Variants in DNAL1 observed in about 807,000 individuals in gnomAD.
DNAL1 encodes dynein axonemal light chain 1, also known as chromosome 14 open reading frame 168.
A neutral mutation model predicts 29.4 loss-of-function variants in DNAL1; 17 were observed. That is an observed-to-expected ratio of 0.58 (90% CI 0.40 to 0.87). The LOEUF (loss-of-function observed/expected upper bound fraction) is 0.87, where lower values mean the gene tolerates loss of function less well. Ranked by LOEUF, DNAL1 falls within the 40% of genes least tolerant of loss-of-function variation. The pLI, the probability that DNAL1 is intolerant of heterozygous loss-of-function variation, is 0.00. For synonymous variants in DNAL1, 78 were observed against 76.3 expected (o/e 1.02, Z -0.12); for missense variants, 188 against 214.1 (o/e 0.88, Z 0.76).
At position 73,698,591 on chromosome 14, in the gene DNAL1, G is replaced by A. The variant is rs970048423; in HGVS notation, c.*2649G>A. On this transcript the variant is annotated 3_prime_UTR_variant, in exon 8 of 8. Coordinates refer to ENST00000553645, the MANE Select transcript of DNAL1 (RefSeq NM_031427.4). ...CCCGAGTAGCTGGGACCACAGGCAC[G>A]TGCCATCATGCCTGGCCTATTTTTG... The A allele has an allele frequency of 4.0e-5, 6 of 151,842 alleles. No homozygotes were observed. The highest frequency in any genetic ancestry group is 1.5e-4 in the African/African-American group (6 of 41,292). The allele number at this position is 151,842 out of a possible 1,614,324, so 9.4% of individuals were successfully genotyped here.
At chr14:73,672,485 G>A (rs1447511665) in intron 5 of DNAL1, among the ~76,000 whole-genome samples, 1 of 151,204 alleles carries the variant, frequency 6.6e-6, no homozygotes, top group Non-Finnish European at 1.5e-5. Flanking sequence ...GCGGGCGCCT[G>A]TAGTCCCAGC....
chr14:73,703,053 T>A lies in DNAL1; in HGVS notation c.*7111T>A, dbSNP rs1892475166. ...ATTGCTTGAACCCAGAAGTTTGAGGTTACAGTGAGCTATGATCATGTCACT... is the reference window on the plus strand; with the variant it reads ...ATTGCTTGAACCCAGAAGTTTGAGGATACAGTGAGCTATGATCATGTCACT... On this transcript the variant is annotated 3_prime_UTR_variant, in exon 8 of 8. Coordinates refer to ENST00000553645, the MANE Select transcript of DNAL1 (RefSeq NM_031427.4). 6.6e-6 allele frequency: 1 copy of A among 152,010 alleles called. No homozygotes were observed. The highest frequency in any genetic ancestry group is 1.5e-5 in the Non-Finnish European group (1 of 68,010). 9.4% of individuals were successfully genotyped at this position (152,010 alleles called of 1,614,324 possible).
intron 1 of DNAL1, among the ~76,000 whole-genome samples, chr14:73,647,635 C>G (rs1042454237): frequency 2.0e-5 from 3 of 152,120 alleles, no homozygotes; most frequent in African/African-American, 4.8e-5. Context: ...CTAGTCCTGT[C>G]CTTAGTTGGC....
intron 2 of DNAL1, among the ~76,000 whole-genome samples, chr14:73,658,130 A>G (rs748033312): frequency 2.0e-5 from 3 of 151,800 alleles, no homozygotes; most frequent in Non-Finnish European, 2.9e-5. Context: ...TGGATATCCA[A>G]TTTTTCCAGC....
chr14:73,689,771 C>T (rs767073614), intron 7 of DNAL1, among the ~76,000 whole-genome samples: 7 of 152,146 alleles, frequency 4.6e-5, no homozygotes, highest in Non-Finnish European at 7.4e-5. Context: ...ATGGGTGGCT[C>T]ACGCCTGTAA....
At chr14:73,664,430 G>A (rs932638002) in intron 4 of DNAL1, among the ~76,000 whole-genome samples, 12 of 151,942 alleles carry the variant, frequency 7.9e-5, no homozygotes, top group Admixed American at 2.6e-4. Context: ...CCTTGATGTC[G>A]CATTAAAAGT....
intron 1 of DNAL1, among the ~76,000 whole-genome samples, chr14:73,654,074 G>T (rs943551756): frequency 6.6e-6 from 1 of 152,082 alleles, no homozygotes; most frequent in Non-Finnish European, 1.5e-5. Flanking sequence ...AGGAATATAT[G>T]ATATGAAATA....
At position 73,687,312 on chromosome 14, in the gene DNAL1, G is replaced by C. The variant is rs758684326; in HGVS notation, c.318G>C (p.Glu106Asp). 34 of 1,613,396 alleles carry C rather than the reference G, an allele frequency of 2.1e-5. No homozygotes were observed. The highest frequency in any genetic ancestry group is 2.4e-5 in the Non-Finnish European group (28 of 1,179,708). Residue 106 changes from glutamate (E) to aspartate (D), a missense_variant, in exon 6 of 8, where the codon GAG becomes GAC. Glu to Asp is a conservative substitution (Grantham distance 45). Coordinates refer to ENST00000553645, the MANE Select transcript of DNAL1 (RefSeq NM_031427.4). ...EELWISYNFI[E>D]KLKGIHIMKK... ...TGTGGATCTCCTACAATTTTATTGA[G>C]AAGTTGAAAGGGATCCACATAATGA...
chr14:73,646,382 A>G (rs1890977212), intron 1 of DNAL1, among the ~76,000 whole-genome samples: 1 of 149,966 alleles, frequency 6.7e-6, no homozygotes, highest in Non-Finnish European at 1.5e-5. Context: ...CTCCTAGGCT[A>G]CAAAGTTTTA....
Position 73,654,788 on chromosome 14 carries a change from A to G in DNAL1, c.4-59A>G, listed in dbSNP as rs983682695. The G allele has an allele frequency of 1.8e-5, 25 of 1,413,760 alleles. No homozygotes were observed. In the East Asian group the frequency reaches 5.8e-4, roughly 33 times the overall value. The allele number at this position is 1,413,760 out of a possible 1,614,324, so 87.6% of individuals were successfully genotyped here. A position where few individuals can be genotyped will look rare whatever the true frequency, so the allele number is the denominator to read the frequency against. On this transcript the variant is annotated intron_variant, in intron 1 of 7. Coordinates refer to ENST00000553645, the MANE Select transcript of DNAL1 (RefSeq NM_031427.4). The stretch of plus-strand genomic sequence containing the variant: ...TAAATACATACATACATACATACAT[A>G]CATTCATACATACATACAACTTTGT...
At chr14:73,666,392 G>A (rs903275312) in intron 4 of DNAL1, among the ~76,000 whole-genome samples, 4 of 152,058 alleles carry the variant, frequency 2.6e-5, no homozygotes, top group African/African-American at 9.7e-5. Flanking sequence ...AATAAATTTT[G>A]TTGCCATTTA....
chr14:73,667,490 A>T (rs546518663), intron 4 of DNAL1, among the ~76,000 whole-genome samples: 1 of 152,110 alleles, frequency 6.6e-6, no homozygotes, highest in South Asian at 2.1e-4. Context: ...CCCCAGATAA[A>T]CCAACTCCTT....
At chr14:73,695,143 C>T (rs1257720339) in intron 7 of DNAL1, among the ~76,000 whole-genome samples, 1 of 139,740 alleles carries the variant, frequency 7.2e-6, no homozygotes, top group Non-Finnish European at 1.5e-5. Flanking sequence ...ATAGCCTGGA[C>T]ATCCCAGGCT....
chr14:73,653,971 T>G (rs1237465446), intron 1 of DNAL1, among the ~76,000 whole-genome samples: 1 of 152,216 alleles, frequency 6.6e-6, no homozygotes, highest in East Asian at 1.9e-4. Context: ...TTTAAAATTT[T>G]TATTTTGTAC....
chr14:73,686,736 G>A (rs2140057827), intron 5 of DNAL1, among the ~76,000 whole-genome samples: 1 of 152,254 alleles, frequency 6.6e-6, no homozygotes, highest in African/African-American at 2.4e-5. Context: ...ACTTTTTTAT[G>A]TTTGAAAATC....
intron 7 of DNAL1, among the ~76,000 whole-genome samples, chr14:73,690,652 CA>C (rs1256253887): frequency 0.018 from 1,759 of 100,190 alleles, 24 homozygotes; most frequent in African/African-American, 0.054. Flanking sequence ...AACTCCGTCT[CA>C]AAAAAAAAAA....
rs1224532645 is a variant in DNAL1, at chr14:73,659,261, G to A, written c.152+305G>A. ...ACTGCAACCTACGCCTCCCGGGTTCGAGCAGTTCTCCTGCCTCAGCCTCCC... is the reference window on the plus strand; with the variant it reads ...ACTGCAACCTACGCCTCCCGGGTTCAAGCAGTTCTCCTGCCTCAGCCTCCC... On this transcript the variant is annotated intron_variant, in intron 3 of 7. Coordinates refer to ENST00000553645, the MANE Select transcript of DNAL1 (RefSeq NM_031427.4). 4.0e-5 allele frequency among the ~76,000 whole-genome samples: 6 copies of A among 150,406 alleles called. No homozygotes were observed. The Admixed American group carries it at 4.0e-4, about 10-fold the overall frequency.
intron 4 of DNAL1, among the ~76,000 whole-genome samples, chr14:73,670,664 G>T (rs1891595973): frequency 6.6e-6 from 1 of 151,714 alleles, no homozygotes; most frequent in African/African-American, 2.4e-5. Context: ...ATAGCCTATA[G>T]ATATACAAAT....
At chr14:73,681,496 A>C (rs1891873617) in intron 5 of DNAL1, among the ~76,000 whole-genome samples, 1 of 149,840 alleles carries the variant, frequency 6.7e-6, no homozygotes, top group Non-Finnish European at 1.5e-5. Context: ...AGCTGGGCAC[A>C]GTGGCTCACA....
Sources: allele counts gnomAD v4.1 joint callset (sites outside exome capture counted in the v4.1 genomes callset), GRCh38; gene constraint gnomAD v4.1.1; transcripts MANE v1.5; gene names NCBI Gene and HGNC (gene_info 2026-07-23, HGNC 2026-07-21).